The following CFAP251 variants were observed in gnomAD, a reference collection of about 807,000 sequenced individuals.
CFAP251 encodes the protein cilia- and flagella-associated protein 251.
CFAP251 carries 93 observed loss-of-function variants against 126.7 expected under a neutral mutation model. The observed-to-expected ratio is 0.73, with a 90% CI of 0.62 to 0.87. CFAP251 has a LOEUF of 0.87. CFAP251 is among the 40% of genes least tolerant of loss of function. The pLI is 0.00. For synonymous variants in CFAP251, 503 were observed against 506.9 expected (o/e 0.99, Z 0.10); for missense variants, 1,287 against 1,389.2 (o/e 0.93, Z 1.17).
chr12:121,960,882 G>A (rs1402504359), intron 14 of CFAP251, 124 bp downstream of exon 14: 5 of 1,183,496 alleles, frequency 4.2e-6, no homozygotes, highest in Non-Finnish European at 5.9e-6. Context: ...TGAATGCACA[G>A]TGAAGGATCA....
rs1256091854 is a variant in CFAP251 at position 121,989,564 on chromosome 12, C to T, written c.3007-10152C>T. 6.6e-6 allele frequency among the ~76,000 whole-genome samples: 1 copy of T among 152,218 alleles called. No homozygotes were observed. Among genetic ancestry groups the T allele is most frequent in the African/African-American group, 2.4e-5 (1 of 41,448 alleles). On this transcript the variant is annotated intron_variant, in intron 19 of 21. Coordinates refer to ENST00000288912, the MANE Select transcript of CFAP251 (RefSeq NM_144668.6). This position sits in a 1 kb window ranked among gnomAD's most constrained non-coding sequence, Gnocchi z 4.2. ...GTGACGCTGCCCAGCCCTTACGCCC[C>T]CTCCTCAGCCCACTACTCCCTGCCC...
At chr12:121,962,236 C>T in intron 15 of CFAP251, 74 bp downstream of exon 15, 2 of 1,399,966 alleles carry the variant, frequency 1.4e-6, no homozygotes, top group Non-Finnish European at 2.0e-6. Flanking sequence ...CAGGTCTCCA[C>T]ATAGGGACCT....
At chr12:121,976,767 G>A (rs1157081860) in intron 19 of CFAP251, among the ~76,000 whole-genome samples, 14 of 151,906 alleles carry the variant, frequency 9.2e-5, no homozygotes, top group Middle Eastern at 6.3e-3. Flanking sequence ...AAAATTGCCC[G>A]GTGTGGTGGC....
intron 17 of CFAP251, chr12:121,971,896 T>G (rs1449492010): frequency 5.1e-6 from 2 of 390,900 alleles, no homozygotes; most frequent in Non-Finnish European, 9.7e-6. Context: ...GTTGTTCTCG[T>G]GGTAGTGAAT....
Position 121,923,754 on chromosome 12 carries a change from A to G in CFAP251, c.511A>G (p.Ile171Val). ...TCAAATCAGTCCTGAGGAACAACAGATTAGTTCCCCTGAAAGGCAGCCCTC... is the reference window on the plus strand; with the variant it reads ...TCAAATCAGTCCTGAGGAACAACAGGTTAGTTCCCCTGAAAGGCAGCCCTC... ...LDQISPEEQQ[I>V]SSPERQPSGE... The change falls in exon 3 of 22, where the codon ATT becomes GTT. Residue 171 changes from isoleucine to valine, a missense_variant. Coordinates refer to ENST00000288912, the MANE Select transcript of CFAP251 (RefSeq NM_144668.6). 1 of 1,613,150 alleles carries G rather than the reference A, an allele frequency of 6.2e-7. No homozygotes were observed. Among genetic ancestry groups the G allele is most frequent in the Non-Finnish European group, 8.5e-7 (1 of 1,179,652 alleles).
At position 121,968,078 on chromosome 12, in the gene CFAP251, G is replaced by A. The variant is rs1386747971; in HGVS notation, c.2680G>A (p.Val894Met). 1 of 1,613,826 alleles carries A rather than the reference G, an allele frequency of 6.2e-7. No homozygotes were observed. Among genetic ancestry groups the A allele is most frequent in the Admixed American group, 1.7e-5 (1 of 60,030 alleles). Residue 894 changes from valine to methionine, a missense_variant, in exon 17 of 22, where the codon GTG becomes ATG. Physicochemically the swap from Val to Met is conservative, Grantham distance 21. Transcript: ENST00000288912. The part of the protein sequence containing the change: ...TSAIVCHPNG[V>M]AGMAVSYDGC... ...TGCTATTGTTTGCCACCCGAACGGG[G>A]TGGCCGGCATGGCCGTTTCCTATGA... is the stretch of plus-strand genomic sequence containing the variant.
At chr12:121,992,211 T>C in intron 19 of CFAP251, 3 of 985,496 alleles carry the variant, frequency 3.0e-6, no homozygotes, top group Non-Finnish European at 3.6e-6. Flanking sequence ...CTCTGCGTTC[T>C]ATTTCCAGCT....
chr12:121,985,174 T>C (rs1882716353), intron 19 of CFAP251, among the ~76,000 whole-genome samples: 1 of 152,230 alleles, frequency 6.6e-6, no homozygotes, highest in Non-Finnish European at 1.5e-5. Flanking sequence ...TTTATTTTAT[T>C]TGCTATTTAT....
intron 15 of CFAP251, among the ~76,000 whole-genome samples, chr12:121,963,602 C>A (rs1389318229): frequency 1.3e-5 from 2 of 150,036 alleles, no homozygotes; most frequent in Non-Finnish European, 3.0e-5. Flanking sequence ...GGCATCTCCT[C>A]CCTCCTGATG....
intron 5 of CFAP251, among the ~76,000 whole-genome samples, chr12:121,940,427 A>C (rs1881062616): frequency 6.6e-6 from 1 of 152,182 alleles, no homozygotes; most frequent in Non-Finnish European, 1.5e-5. Context: ...GAACCAGAGA[A>C]GTCCTCAGCT....
At chr12:122,001,418 C>T in intron 20 of CFAP251, 79 bp from the exon 21 acceptor site, 1 of 1,278,120 alleles carries the variant, frequency 7.8e-7, no homozygotes, top group South Asian at 1.2e-5. Context: ...TTTAAGACCT[C>T]TGAATAATAA....
chr12:121,956,897 C>A (rs1472295434), intron 10 of CFAP251, among the ~76,000 whole-genome samples, 177 bp from the exon 11 acceptor site: 1 of 152,116 alleles, frequency 6.6e-6, no homozygotes, highest in Non-Finnish European at 1.5e-5. Flanking sequence ...TCTTAACTCT[C>A]TGAAAGTTAG....
intron 7 of CFAP251, among the ~76,000 whole-genome samples, chr12:121,945,946 G>A (rs570800155): frequency 4.0e-5 from 6 of 151,362 alleles, no homozygotes; most frequent in Non-Finnish European, 7.4e-5. Flanking sequence ...GATTACAGGC[G>A]TGAGCCACCA....
intron 7 of CFAP251, among the ~76,000 whole-genome samples, chr12:121,947,491 G>C (rs1881365886): frequency 6.6e-6 from 1 of 151,740 alleles, no homozygotes; most frequent in Admixed American, 6.6e-5. Context: ...TTGAGATGGG[G>C]GTCTTGCTCT....
chr12:121,966,918 G>A, intron 15 of CFAP251, 37 bp from the exon 16 acceptor site: 1 of 1,590,084 alleles, frequency 6.3e-7, no homozygotes, highest in East Asian at 2.2e-5. Flanking sequence ...GTTGAGATTT[G>A]TGGAATTTTA....
intron 19 of CFAP251, among the ~76,000 whole-genome samples, chr12:121,990,209 C>T (rs536688001): frequency 2.6e-5 from 4 of 152,358 alleles, no homozygotes; most frequent in Admixed American, 2.6e-4. Flanking sequence ...CCAAGCTGGG[C>T]CTGCCCCATG....
intron 5 of CFAP251, among the ~76,000 whole-genome samples, chr12:121,934,586 A>AT (rs892365366): frequency 1.8e-4 from 28 of 152,216 alleles, no homozygotes; most frequent in Non-Finnish European, 3.5e-4. Context: ...ACAAGGACAG[A>AT]TTTTTTAGTG....
chr12:121,995,090 G>T (rs1337245345), intron 19 of CFAP251, among the ~76,000 whole-genome samples: 1 of 152,180 alleles, frequency 6.6e-6, no homozygotes, highest in African/African-American at 2.4e-5. Context: ...CAATGCATAC[G>T]TATTACTGTA....
chr12:121,991,057 C>T (rs902443578), intron 19 of CFAP251, among the ~76,000 whole-genome samples: 3 of 152,186 alleles, frequency 2.0e-5, no homozygotes, highest in Admixed American at 6.5e-5. Flanking sequence ...ACTAGTAAAT[C>T]GAGTAAAATT....
Sources: gnomAD v4.1 joint callset for allele counts (sites outside exome capture counted in the v4.1 genomes callset) on GRCh38, gnomAD v4.1.1 for gene constraint, Gnocchi (gnomAD v3.1) non-coding constraint, MANE v1.5 for transcripts, NCBI Gene and HGNC (gene_info 2026-07-23, HGNC 2026-07-21) for gene names.